The following PLD5 variants were observed in gnomAD, a reference collection of about 807,000 sequenced individuals.
PLD5 encodes inactive phospholipase D5.
Under a neutral mutation model 61.1 loss-of-function variants are expected in PLD5, and 36 were observed. That is an observed-to-expected ratio of 0.59 (90% confidence interval 0.45 to 0.78). The LOEUF is 0.78. Ranked by LOEUF, PLD5 falls within the 30% of genes least tolerant of loss-of-function variation. PLD5 has a pLI of 0.00. For missense variants in PLD5, 515 were observed against 644.4 expected, an observed-to-expected ratio of 0.80 and a Z score of 2.17; for synonymous variants, 243 against 242.8, an observed-to-expected ratio of 1.00 and a Z score of -0.01.
chr1:242,098,414 T>A (rs528435582), intron 9 of PLD5, among the ~76,000 whole-genome samples: 1 of 152,378 alleles, frequency 6.6e-6, no homozygotes, highest in South Asian at 2.1e-4. Flanking sequence ...CTCCATCAGA[T>A]CCTTTAAGGA....
intron 1 of PLD5, among the ~76,000 whole-genome samples, chr1:242,512,337 A>G (rs369592825): frequency 4.2e-4 from 63 of 151,054 alleles, no homozygotes; most frequent in African/African-American, 1.2e-3. Flanking sequence ...GGAGAATGGC[A>G]TGAACCTGAG....
chr1:242,249,712 C>A (rs1344866499), intron 4 of PLD5, among the ~76,000 whole-genome samples: 2 of 152,036 alleles, frequency 1.3e-5, no homozygotes, highest in Non-Finnish European at 2.9e-5. Context: ...GGGCAAATGA[C>A]CAGAAAAAAT....
intron 5 of PLD5, among the ~76,000 whole-genome samples, chr1:242,148,707 T>C (rs1664714109): frequency 6.6e-6 from 1 of 151,968 alleles, no homozygotes; most frequent in Non-Finnish European, 1.5e-5. Flanking sequence ...GATTCATACC[T>C]AAATATTTCA....
At chr1:242,425,071 G>A (rs1665344058) in intron 1 of PLD5, among the ~76,000 whole-genome samples, 1 of 152,188 alleles carries the variant, frequency 6.6e-6, no homozygotes, top group Non-Finnish European at 1.5e-5. Context: ...GGCAGAGGTT[G>A]CAGTGAGCTG....
intron 2 of PLD5, among the ~76,000 whole-genome samples, chr1:242,323,362 TG>T (rs1362051364): frequency 6.6e-6 from 1 of 152,144 alleles, no homozygotes; most frequent in African/African-American, 2.4e-5. Flanking sequence ...TTTAGGTAAC[TG>T]TTTTTTTTGT....
chr1:242,358,730 C>A lies in PLD5; in HGVS notation c.190-10488G>T, dbSNP rs557726340. Among the ~76,000 whole-genome samples, 7 of 152,290 alleles carry A rather than the reference C, an allele frequency of 4.6e-5. No homozygotes were observed. The East Asian group carries it at 1.2e-3, about 25-fold the overall frequency. On this transcript the variant is annotated intron_variant, in intron 1 of 9. Coordinates refer to ENST00000536534, the MANE Select transcript of PLD5 (RefSeq NM_001372062.1). The stretch of plus-strand genomic sequence containing the variant: ...GTTAATTGGATTGTGATGAATGGAC[C>A]AAACGCTATACTCAGTATATTATAT...
chr1:242,312,310 A>G (rs1676743066), intron 2 of PLD5, among the ~76,000 whole-genome samples: 1 of 151,804 alleles, frequency 6.6e-6, no homozygotes, highest in African/African-American at 2.4e-5. Context: ...CACCTCTCCC[A>G]GTCTTTGAAG....
chr1:242,363,794 TA>T (rs575206625), intron 1 of PLD5, among the ~76,000 whole-genome samples: 2 of 151,982 alleles, frequency 1.3e-5, no homozygotes, highest in Non-Finnish European at 2.9e-5. Context: ...TTAAAGGATA[TA>T]AAAAAAGACA....
At chr1:242,520,467 T>A (rs778902204) in intron 1 of PLD5, among the ~76,000 whole-genome samples, 3 of 152,222 alleles carry the variant, frequency 2.0e-5, no homozygotes, top group Non-Finnish European at 4.4e-5. Context: ...TGTGAGCCCT[T>A]TGCCCACAGA....
At chr1:242,236,067 T>C (rs1223588897) in intron 4 of PLD5, 5 of 152,078 alleles carry the variant, frequency 3.3e-5, no homozygotes, top group Non-Finnish European at 7.3e-5. Context: ...CCTTCTTGGA[T>C]AGGATTAGCA....
At chr1:242,191,288 T>C (rs751611802) in intron 5 of PLD5, among the ~76,000 whole-genome samples, 2 of 152,122 alleles carry the variant, frequency 1.3e-5, no homozygotes, top group Non-Finnish European at 2.9e-5. Flanking sequence ...AGAAGGTATT[T>C]AAAAGAAGGA....
In PLD5 at chr1:242,096,952, G is replaced by A. The variant is rs1203526156; in HGVS notation, c.1354+3716C>T. ...GTGTGATGTTCCCCTTCCTGTGTCT[G>A]TGTGTTCTCATTTTTCAATTCCCAC... On this transcript the variant is annotated intron_variant, in intron 9 of 9. Transcript: ENST00000536534. 6.6e-4 allele frequency among the ~76,000 whole-genome samples: 95 copies of A among 143,198 alleles called. 1 individual carries two copies. Among genetic ancestry groups the A allele is most frequent in the Non-Finnish European group, 9.0e-4 (60 of 66,840 alleles). The allele number at this position is 143,198 out of a possible 152,430, so 93.9% of individuals were successfully genotyped here.
chr1:242,396,143 G>A (rs2149273303), intron 1 of PLD5, among the ~76,000 whole-genome samples: 1 of 152,282 alleles, frequency 6.6e-6, no homozygotes, highest in African/African-American at 2.4e-5. Context: ...AAATAGCAGA[G>A]AGTGAGTTGA....
intron 1 of PLD5, among the ~76,000 whole-genome samples, chr1:242,428,724 G>GA (rs5782236): frequency 0.27 from 40,045 of 150,002 alleles, 5,587 homozygotes; most frequent in Admixed American, 0.31. Flanking sequence ...AGAAGAAGAA[G>GA]AAAAAAAAAC....
intron 2 of PLD5, among the ~76,000 whole-genome samples, chr1:242,326,446 C>A (rs527722256): frequency 6.6e-6 from 1 of 151,992 alleles, no homozygotes; most frequent in Admixed American, 6.6e-5. Flanking sequence ...CCTGTTTGTA[C>A]GTGGATAAGT....
intron 4 of PLD5, among the ~76,000 whole-genome samples, chr1:242,228,364 C>T (rs1043615946): frequency 6.6e-6 from 1 of 152,152 alleles, no homozygotes; most frequent in African/African-American, 2.4e-5. Flanking sequence ...CCTGACGACA[C>T]GTCCTTTTAA....
chr1:242,145,336 T>A (rs1664471754), intron 5 of PLD5, among the ~76,000 whole-genome samples: 1 of 152,220 alleles, frequency 6.6e-6, no homozygotes, highest in African/African-American at 2.4e-5. Flanking sequence ...TTCAGGATGT[T>A]ATTAGCACAT....
chr1:242,241,899 A>ATACTTACTGTATATATATATATACGCT (rs1672049112), intron 4 of PLD5, among the ~76,000 whole-genome samples: 1 of 44,332 alleles, frequency 2.3e-5, no homozygotes, highest in Non-Finnish European at 4.5e-5. Context: ...ATATATATAT[A>ATACTTACTGTATATATATATATACGCT]TATATATATA....
intron 2 of PLD5, among the ~76,000 whole-genome samples, chr1:242,291,663 A>G (rs1370815617): frequency 1.3e-5 from 2 of 151,888 alleles, no homozygotes; most frequent in Non-Finnish European, 2.9e-5. Flanking sequence ...AAAATTAGCC[A>G]GGCGTGGTGG....
Sources: allele counts gnomAD v4.1 joint callset (sites outside exome capture counted in the v4.1 genomes callset), GRCh38; gene constraint gnomAD v4.1.1; transcripts MANE v1.5; gene names NCBI Gene and HGNC (gene_info 2026-07-23, HGNC 2026-07-21).